SIM1: variants seen among roughly 807,000 people sequenced by gnomAD.
The protein encoded by SIM1 is SIM bHLH transcription factor 1, also known as single-minded homolog 1.
A neutral mutation model predicts 78.2 loss-of-function variants in SIM1; 18 were observed. That is an observed-to-expected ratio of 0.23 (90% CI 0.16 to 0.34). The LOEUF (loss-of-function observed/expected upper bound fraction) is 0.34. Among genes scored for constraint, SIM1 ranks in the 10% least tolerant of loss-of-function variants. The pLI is 1.00. For missense variants in SIM1, 939 were observed against 975.1 expected (o/e 0.96, Z 0.49); for synonymous variants, 417 against 385.2 (o/e 1.08, Z -0.97).
intron 11 of SIM1, among the ~76,000 whole-genome samples, chr6:100,391,650 G>A (rs574102332): frequency 2.6e-5 from 4 of 152,058 alleles, no homozygotes; most frequent in South Asian, 2.1e-4. Flanking sequence ...TCTTAAGTAC[G>A]GTTACAATAA....
At position 100,390,901 on chromosome 6, in the gene SIM1, G is replaced by A; in HGVS notation, c.1761C>T (p.Ala587=). Residue 587 remains alanine (A), a synonymous_variant, in exon 12 of 12, where the codon GCC becomes GCT. Transcript: ENST00000369208. The part of the protein sequence containing the change: ...EEENRLQLRK[A]PSDQLASING... ...TAATGGAAGCCAGTTGGTCTGAGGG[G>A]GCTTTCCTTAGCTGTAATCTGTTCT... The A allele has an allele frequency of 6.2e-7, 1 of 1,614,092 alleles. No individual in the cohort carries two copies. Among genetic ancestry groups the A allele is most frequent in the Non-Finnish European group, 8.5e-7 (1 of 1,180,028 alleles).
intron 10 of SIM1, among the ~76,000 whole-genome samples, chr6:100,395,682 G>A (rs1770749232): frequency 6.6e-6 from 1 of 152,170 alleles, no homozygotes; most frequent in South Asian, 2.1e-4. Flanking sequence ...CGCCCATGAT[G>A]AGAACTTCAT....
At chr6:100,427,957 A>G (rs965075655) in intron 9 of SIM1, among the ~76,000 whole-genome samples, 1 of 152,216 alleles carries the variant, frequency 6.6e-6, no homozygotes, top group Non-Finnish European at 1.5e-5. Flanking sequence ...TAACAAAATA[A>G]TTATCTTTTA....
At chr6:100,447,171 G>T in intron 9 of SIM1, 97 bp downstream of exon 9, 1 of 1,411,280 alleles carries the variant, frequency 7.1e-7, no homozygotes, top group Non-Finnish European at 9.7e-7. Context: ...ATTCCCCGTG[G>T]CCCGAGCCTT....
At chr6:100,457,875 C>T (rs1264466269) in intron 2 of SIM1, among the ~76,000 whole-genome samples, 1 of 152,208 alleles carries the variant, frequency 6.6e-6, no homozygotes, top group Non-Finnish European at 1.5e-5. Context: ...TGCCTGCACT[C>T]GGCAGTGCCC....
At chr6:100,426,510 A>G (rs1582295886) in intron 9 of SIM1, among the ~76,000 whole-genome samples, 1 of 152,232 alleles carries the variant, frequency 6.6e-6, no homozygotes, top group East Asian at 1.9e-4. Context: ...TGGAAAGCCA[A>G]TAGAAGGTGT....
In SIM1 at chr6:100,448,321, G is replaced by GA. The variant is rs1772415877; in HGVS notation, c.744-70dup. 2.6e-5 allele frequency: 36 copies of GA among 1,405,824 alleles called. No individual in the cohort carries two copies. The South Asian group carries it at 4.5e-4, about 17-fold the overall frequency. 87.1% of individuals were successfully genotyped at this position (1,405,824 alleles called of 1,614,324 possible). On this transcript the variant is annotated intron_variant, in intron 7 of 11. Coordinates refer to ENST00000369208, the MANE Select transcript of SIM1 (RefSeq NM_005068.3). The stretch of plus-strand genomic sequence containing the variant: ...AGGGATGCCCTCCCCACACACCCTC[G>GA]ACAGCCGTCTGACACCTAGCTGTCC...
rs1473046542 is a variant in SIM1 at position 100,385,399 on chromosome 6, A to T, written c.*4962T>A. ...TTTTGAAATATTTCCCTTCGGAAAA[A>T]AAAAGAAAAAAGACTTACAGTACTT... On this transcript the variant is annotated 3_prime_UTR_variant, in exon 12 of 12. Coordinates refer to ENST00000369208, the MANE Select transcript of SIM1 (RefSeq NM_005068.3). 2 of 152,030 alleles carry T rather than the reference A, an allele frequency of 1.3e-5. No individual in the cohort carries two copies. The highest frequency in any genetic ancestry group is 2.9e-5 in the Non-Finnish European group (2 of 67,948). 9.4% of individuals were successfully genotyped at this position (152,030 alleles called of 1,614,324 possible). A position where few individuals can be genotyped will look rare whatever the true frequency, so the allele number is the denominator to read the frequency against.
rs58593533 is a variant in SIM1, at chr6:100,436,742, A to ATTT, written c.998+10523_998+10525dup. ...TTTTGTTTTTGTTTTTGTTTTTGGT[A>ATTT]TTTTTTTTTTTTTTTGAGATGGCCT... On this transcript the variant is annotated intron_variant, in intron 9 of 11. Transcript: ENST00000369208. 9.6e-3 allele frequency among the ~76,000 whole-genome samples: 1,282 copies of ATTT among 134,188 alleles called. 15 individuals are homozygous for ATTT. Among genetic ancestry groups the ATTT allele is most frequent in the African/African-American group, 0.018 (642 of 36,310 alleles). The allele number at this position is 134,188 out of a possible 152,430, so 88.0% of individuals were successfully genotyped here.
chr6:100,411,370 G>T (rs532522805), intron 10 of SIM1, among the ~76,000 whole-genome samples: 3 of 152,330 alleles, frequency 2.0e-5, no homozygotes, highest in Non-Finnish European at 2.9e-5. Context: ...GACAGAGAGT[G>T]CTCATTCAAA....
intron 3 of SIM1, among the ~76,000 whole-genome samples, chr6:100,451,621 G>A (rs1293875621): frequency 6.6e-6 from 1 of 152,156 alleles, no homozygotes; most frequent in Non-Finnish European, 1.5e-5. Context: ...CTGCAGCAGA[G>A]ATGGTCAAGC....
At chr6:100,410,559 GA>G (rs1279698800) in intron 10 of SIM1, among the ~76,000 whole-genome samples, 21 of 152,182 alleles carry the variant, frequency 1.4e-4, no homozygotes, top group Admixed American at 2.6e-4. Context: ...GATAGGATTT[GA>G]GAAGCAAGTT....
Position 100,385,656 on chromosome 6 carries a change from CATTTATTT to C in SIM1, c.*4697_*4704del, listed in dbSNP as rs1390084618. On this transcript the variant is annotated 3_prime_UTR_variant, in exon 12 of 12. Coordinates refer to ENST00000369208, the MANE Select transcript of SIM1 (RefSeq NM_005068.3). ...AATTAGGATTTCTTATGTGAACCAT[CATTTATTT>C]ATTTATGTGTGTGTGTGTGTGTGTG... 1 of 119,680 alleles carries C rather than the reference CATTTATTT, an allele frequency of 8.4e-6. No homozygotes were observed. Among genetic ancestry groups the C allele is most frequent in the African/African-American group, 3.3e-5 (1 of 30,226 alleles). 7.4% of individuals were successfully genotyped at this position (119,680 alleles called of 1,614,324 possible). A position where few individuals can be genotyped will look rare whatever the true frequency, so the allele number is the denominator to read the frequency against.
At chr6:100,392,077 G>A (rs1770655845) in intron 11 of SIM1, among the ~76,000 whole-genome samples, 1 of 152,182 alleles carries the variant, frequency 6.6e-6, no homozygotes, top group African/African-American at 2.4e-5. Context: ...GGGAGGCTGA[G>A]ACAGGAGAAT....
chr6:100,390,529 G>A lies in SIM1; in HGVS notation c.2133C>T (p.Tyr711=). The A allele has an allele frequency of 6.2e-7, 1 of 1,614,160 alleles. No individual in the cohort carries two copies. Among genetic ancestry groups the A allele is most frequent in the African/African-American group, 1.3e-5 (1 of 75,038 alleles). The change falls in exon 12 of 12, where the codon TAC becomes TAT. Residue 711 remains tyrosine, a synonymous_variant. Coordinates refer to ENST00000369208, the MANE Select transcript of SIM1 (RefSeq NM_005068.3). ...GCTCCAGGGCATATCCAGTTAATGT[G>A]TAAGCATGCTTGTCAAAATACTGCC... The part of the protein sequence containing the change: ...SHRQYFDKHA[Y]TLTGYALEHL...
intron 9 of SIM1, among the ~76,000 whole-genome samples, chr6:100,442,333 T>A (rs897505031): frequency 5.9e-5 from 9 of 152,192 alleles, no homozygotes; most frequent in African/African-American, 1.9e-4. Flanking sequence ...ATCTCCCAGC[T>A]CTTCCTTTTA....
In SIM1 at chr6:100,412,789, G is replaced by A. The variant is rs370527640; in HGVS notation, c.1167+8001C>T. On this transcript the variant is annotated intron_variant, in intron 10 of 11. Coordinates refer to ENST00000369208, the MANE Select transcript of SIM1 (RefSeq NM_005068.3). ...AAAAAGAAAGGGAGAAAGAGAGAAC[G>A]AAGGAAGGAAGGACGGACGGACGGA... Among the ~76,000 whole-genome samples, 5 of 152,034 alleles carry A rather than the reference G, an allele frequency of 3.3e-5. No homozygotes were observed. The East Asian group carries it at 7.7e-4, about 24-fold the overall frequency.
Position 100,448,231 on chromosome 6 carries a change from G to T in SIM1, c.765C>A (p.Tyr255Ter). ...LDSRVAELTGYEPQDLIEKTL... is the reference protein window; with the variant it reads ...LDSRVAELTG ...TCTTCTCAATCAGGTCCTGAGGTTC[G>T]TACCCCGTCAGCTCCGCCACCCTGA... Residue 255 changes from tyrosine (Y) to a stop codon, truncating the protein, a stop_gained, in exon 8 of 12, where the codon TAC (tyrosine) becomes TAA (stop). Transcript: ENST00000369208. LOFTEE classifies it high-confidence loss of function. 1 of 1,613,298 alleles carries T rather than the reference G, an allele frequency of 6.2e-7. No individual in the cohort carries two copies. Among genetic ancestry groups the T allele is most frequent in the Non-Finnish European group, 8.5e-7 (1 of 1,179,748 alleles).
intron 3 of SIM1, among the ~76,000 whole-genome samples, chr6:100,452,634 A>G (rs1772542453): frequency 6.6e-6 from 1 of 152,202 alleles, no homozygotes; most frequent in African/African-American, 2.4e-5. Flanking sequence ...CAAGAGCTGG[A>G]AAGTGTCAGG....
Sources: gnomAD v4.1 joint callset for allele counts (sites outside exome capture counted in the v4.1 genomes callset) on GRCh38, gnomAD v4.1.1 for gene constraint, MANE v1.5 for transcripts, NCBI Gene and HGNC (gene_info 2026-07-23, HGNC 2026-07-21) for gene names.